The following UBA2 variants were observed in gnomAD, a reference collection of about 807,000 sequenced individuals.
The protein encoded by UBA2 is ubiquitin like modifier activating enzyme 2, also known as SUMO-activating enzyme subunit 2.
A neutral mutation model predicts 77.2 loss-of-function variants in UBA2; 11 were observed. The observed-to-expected ratio is 0.14, with a 90% confidence interval of 0.09 to 0.24. The LOEUF is 0.24. UBA2 is among the 10% of genes least tolerant of loss of function. The pLI is 1.00. For missense variants in UBA2, 487 were observed against 781.7 expected (o/e 0.62, Z 4.50); for synonymous variants, 278 against 276.7 (o/e 1.00, Z -0.05).
chr19:34,450,154 A>G (rs373034867), intron 8 of UBA2, 111 bp from the exon 9 acceptor site: 3 of 705,628 alleles, frequency 4.3e-6, no homozygotes, highest in African/African-American at 3.7e-5. Flanking sequence ...GGTATATGAC[A>G]TGTATCTTTA....
chr19:34,434,429 T>G (rs147720348), intron 4 of UBA2, among the ~76,000 whole-genome samples: 2,687 of 152,330 alleles, frequency 0.018, 38 homozygotes, highest in South Asian at 0.028. Context: ...AATTACTCTC[T>G]TAACCTGACT....
At chr19:34,440,880 C>T (rs1177189786) in intron 6 of UBA2, among the ~76,000 whole-genome samples, 1 of 147,068 alleles carries the variant, frequency 6.8e-6, no homozygotes, top group African/African-American at 2.5e-5. Context: ...GAGCCGAGAT[C>T]GCTCTGCTGC....
At chr19:34,465,625 G>C (rs556409180) in intron 15 of UBA2, among the ~76,000 whole-genome samples, 4 of 128,370 alleles carry the variant, frequency 3.1e-5, no homozygotes, top group South Asian at 2.6e-4. Context: ...GACAGAGGGG[G>C]ACTCCATGTC....
intron 3 of UBA2, 43 bp from the exon 4 acceptor site, chr19:34,433,305 A>G: frequency 1.5e-6 from 2 of 1,366,362 alleles, no homozygotes; most frequent in South Asian, 1.2e-5. Flanking sequence ...GATCATGTGG[A>G]AGGCTAGTTA....
At chr19:34,448,041 C>G (rs1175986769) in intron 8 of UBA2, among the ~76,000 whole-genome samples, 1 of 152,108 alleles carries the variant, frequency 6.6e-6, no homozygotes, top group Non-Finnish European at 1.5e-5. Context: ...GGCAGACTTT[C>G]TAGGCCTTCT....
In UBA2 at chr19:34,469,829, TTTGTAA is replaced by T. The variant is rs2145577481; in HGVS notation, c.*609_*614del. On this transcript the variant is annotated 3_prime_UTR_variant, in exon 17 of 17. Transcript: ENST00000246548. ...GTTTCAGGTTATTTATATTCGATGT[TTTGTAA>T]AACTCAAATAACGACTATACTTATG... The T allele has an allele frequency of 6.5e-6, 1 of 152,750 alleles. No homozygotes were observed. Among genetic ancestry groups the T allele is most frequent in the East Asian group, 1.9e-4 (1 of 5,188 alleles). The allele number at this position is 152,750 out of a possible 1,614,324, so 9.5% of individuals were successfully genotyped here.
In UBA2 at chr19:34,469,759, G is replaced by T. The variant is rs551279647; in HGVS notation, c.*538G>T. On this transcript the variant is annotated 3_prime_UTR_variant, in exon 17 of 17. Coordinates refer to ENST00000246548, the MANE Select transcript of UBA2 (RefSeq NM_005499.3). ...TTTACTCAAGTTTTCAGTTTGTACC[G>T]CCTGGTATGTCTGTGTAAGAAGCCA... The T allele has an allele frequency of 6.6e-6, 1 of 152,476 alleles. No homozygotes were observed. Among genetic ancestry groups the T allele is most frequent in the African/African-American group, 2.4e-5 (1 of 41,390 alleles). 9.4% of individuals were successfully genotyped at this position (152,476 alleles called of 1,614,324 possible).
At chr19:34,434,378 A>G (rs145518003) in intron 4 of UBA2, among the ~76,000 whole-genome samples, 170 of 152,302 alleles carry the variant, frequency 1.1e-3, no homozygotes, top group African/African-American at 3.8e-3. Flanking sequence ...AGCCTCCCAG[A>G]ATGCTGAGAT....
chr19:34,467,533 G>T (rs1036930702), intron 16 of UBA2, among the ~76,000 whole-genome samples: 11 of 151,846 alleles, frequency 7.2e-5, no homozygotes, highest in East Asian at 1.9e-4. Context: ...CCAACGCTTT[G>T]GGAGGCCGAG....
chr19:34,467,539 C>T (rs552719618), intron 16 of UBA2, among the ~76,000 whole-genome samples: 2 of 151,928 alleles, frequency 1.3e-5, no homozygotes, highest in South Asian at 4.2e-4. Flanking sequence ...CTTTGGGAGG[C>T]CGAGGCGGGC....
Position 34,469,250 on chromosome 19 carries a change from T to TA in UBA2, c.*30dup. 1 of 1,513,394 alleles carries TA rather than the reference T, an allele frequency of 6.6e-7. No individual in the cohort carries two copies. The highest frequency in any genetic ancestry group is 8.8e-7 in the Non-Finnish European group (1 of 1,136,188). 93.7% of individuals were successfully genotyped at this position (1,513,394 alleles called of 1,614,324 possible). Reference sequence around the variant, plus strand: ...GAAATGCCTCTAAACAGAACCCTCTTACTATTTAGTTTATCTGGGCAGAAC... The same window carrying TA: ...GAAATGCCTCTAAACAGAACCCTCTTAACTATTTAGTTTATCTGGGCAGAAC... On this transcript the variant is annotated 3_prime_UTR_variant, in exon 17 of 17. Coordinates refer to ENST00000246548, the MANE Select transcript of UBA2 (RefSeq NM_005499.3).
At chr19:34,457,594 A>G (rs1032595335) in intron 12 of UBA2, among the ~76,000 whole-genome samples, 2 of 152,110 alleles carry the variant, frequency 1.3e-5, no homozygotes, top group African/African-American at 4.8e-5. Context: ...TCCACCTACC[A>G]GTATTCATTG....
chr19:34,468,868 T>C (rs1039139929), intron 16 of UBA2, among the ~76,000 whole-genome samples, 172 bp from the exon 17 acceptor site: 6 of 152,224 alleles, frequency 3.9e-5, no homozygotes, highest in Non-Finnish European at 8.8e-5. Context: ...TAGGTTCTTA[T>C]ATAAAACATT....
chr19:34,454,511 G>A lies in UBA2; in HGVS notation c.1200G>A (p.Leu400=). 1 of 1,609,860 alleles carries A rather than the reference G, an allele frequency of 6.2e-7. No homozygotes were observed. The highest frequency in any genetic ancestry group is 8.5e-7 in the Non-Finnish European group (1 of 1,178,312). The stretch of plus-strand genomic sequence containing the variant: ...CAGTAATTGCTGGGTTGATAGTATT[G>A]GAAGGATTGAAGATTTTATCAGGAA... ...TNAVIAGLIV[L]EGLKILSGKI... is the part of the protein sequence containing the mutation. Residue 400 remains leucine (L), a synonymous_variant, in exon 12 of 17, where the codon TTG becomes TTA. Coordinates refer to ENST00000246548, the MANE Select transcript of UBA2 (RefSeq NM_005499.3).
chr19:34,445,621 A>G (rs1427608991), intron 8 of UBA2, among the ~76,000 whole-genome samples: 2 of 152,064 alleles, frequency 1.3e-5, no homozygotes, highest in African/African-American at 4.8e-5. Flanking sequence ...TATTTTTAGT[A>G]GAAGCGGGGT....
rs780801172 is a variant in UBA2, at chr19:34,445,044, G to C, written c.694G>C (p.Asp232His). The C allele has an allele frequency of 6.8e-6, 11 of 1,613,942 alleles. No homozygotes were observed. The highest frequency in any genetic ancestry group is 9.3e-6 in the Non-Finnish European group (11 of 1,179,916). Reference protein sequence around the residue: ...AEARARASNEDGDIKRISTKE... With the variant: ...AEARARASNEHGDIKRISTKE... ...AGCCAGAGCTAGAGCATCTAATGAA[G>C]ATGGTGACATTAAACGTATTTCTAC... The change falls in exon 8 of 17, where the codon GAT becomes CAT. Residue 232 changes from aspartate to histidine, a missense_variant. Physicochemically the swap from Asp to His is moderately conservative, Grantham distance 81 (BLOSUM62 -1). This residue lies in a region of UBA2 where 300 missense variants were observed against 454.3 expected (regional missense o/e 0.66). Transcript: ENST00000246548.
At chr19:34,467,336 G>A (rs2075698186) in intron 16 of UBA2, among the ~76,000 whole-genome samples, 1 of 151,858 alleles carries the variant, frequency 6.6e-6, no homozygotes, top group Non-Finnish European at 1.5e-5. Context: ...ACCACGCATG[G>A]TAGCGTGTAC....
At chr19:34,437,879 A>AC (rs1326167840) in intron 5 of UBA2, among the ~76,000 whole-genome samples, 13 of 151,318 alleles carry the variant, frequency 8.6e-5, no homozygotes, top group Admixed American at 6.6e-5. Flanking sequence ...ACATGGAAAA[A>AC]CCCCGTCTCT....
At chr19:34,458,121 G>T (rs2075588095) in intron 12 of UBA2, among the ~76,000 whole-genome samples, 1 of 152,154 alleles carries the variant, frequency 6.6e-6, no homozygotes, top group Non-Finnish European at 1.5e-5. Context: ...ACCAGCTGCT[G>T]ATACAATGAT....
Sources: gnomAD v4.1 joint callset for allele counts (sites outside exome capture counted in the v4.1 genomes callset) on GRCh38, gnomAD v4.1.1 for gene constraint, gnomAD v4.1.1 regional missense constraint, MANE v1.5 for transcripts, NCBI Gene and HGNC (gene_info 2026-07-23, HGNC 2026-07-21) for gene names.